Variants in LIMD1 observed in about 807,000 individuals in gnomAD.
The protein encoded by LIMD1 is LIM domain-containing protein 1.
In LIMD1, 23 loss-of-function variants were observed where a neutral mutation model predicts 58.4. The observed-to-expected ratio is 0.39, with a 90% CI of 0.28 to 0.56. The LOEUF is 0.56. Ranked by LOEUF, LIMD1 falls within the 20% of genes least tolerant of loss-of-function variation. The probability of loss-of-function intolerance (pLI) is 0.57; values close to 1 mark genes in which losing one functional copy is unlikely to be tolerated. For synonymous variants in LIMD1, 334 were observed against 345.5 expected (o/e 0.97, Z 0.37); for missense variants, 838 against 855.5 (o/e 0.98, Z 0.25).
At chr3:45,636,513 C>T (rs761610989) in intron 2 of LIMD1, among the ~76,000 whole-genome samples, 1 of 152,146 alleles carries the variant, frequency 6.6e-6, no homozygotes, top group Admixed American at 6.5e-5. Flanking sequence ...TCCCTAATCA[C>T]ATCAGGTTTG....
intron 1 of LIMD1, among the ~76,000 whole-genome samples, chr3:45,603,741 G>A (rs891276471): frequency 6.6e-6 from 1 of 151,948 alleles, no homozygotes; most frequent in South Asian, 2.1e-4. Context: ...AGCTTCAAGT[G>A]ATCTCCCACC....
Position 45,595,816 on chromosome 3 carries a change from A to T in LIMD1, c.937A>T (p.Arg313Ter). Residue 313 changes from arginine (R) to a stop codon, truncating the protein, a stop_gained, in exon 1 of 8, where the codon AGA (arginine) becomes TGA (stop). Transcript: ENST00000273317. LOFTEE classifies it high-confidence loss of function. ...CTGCCCCAGGCAAGGAGGTCTTCCA[A>T]GATCAAACTCGGGGCTGGGGGGTGA... ...LSCPRQGGLPRSNSGLGGEVS... is the reference protein window; with the variant it reads ...LSCPRQGGLP 6.2e-7 allele frequency: 1 copy of T among 1,614,154 alleles called. No individual in the cohort carries two copies. Among genetic ancestry groups the T allele is most frequent in the Non-Finnish European group, 8.5e-7 (1 of 1,180,030 alleles).
At chr3:45,658,535 C>CTTTTTTTTTTTTTTTTT (rs10572210) in intron 2 of LIMD1, among the ~76,000 whole-genome samples, 4 of 44,736 alleles carry the variant, frequency 8.9e-5, no homozygotes, top group Non-Finnish European at 1.4e-4. Context: ...CATGCAGATT[C>CTTTTTTTTTTTTTTTTT]TTTTTTTTTT....
At chr3:45,668,030 A>T (rs549713868) in intron 3 of LIMD1, among the ~76,000 whole-genome samples, 4 of 152,290 alleles carry the variant, frequency 2.6e-5, no homozygotes, top group Non-Finnish European at 5.9e-5. Flanking sequence ...CTCTATATAC[A>T]GTCCCTTACA....
chr3:45,630,586 A>G (rs894997421), intron 1 of LIMD1, among the ~76,000 whole-genome samples: 8 of 152,048 alleles, frequency 5.3e-5, no homozygotes, highest in African/African-American at 1.9e-4. Context: ...CGTGTGTGCA[A>G]GGGACAAGGT....
intron 2 of LIMD1, among the ~76,000 whole-genome samples, chr3:45,653,178 A>C (rs149161565): frequency 2.6e-5 from 4 of 152,394 alleles, no homozygotes; most frequent in African/African-American, 9.6e-5. Flanking sequence ...AAAGCCTCCC[A>C]TACCTAGCCC....
At chr3:45,662,842 G>A (rs553764938) in intron 2 of LIMD1, among the ~76,000 whole-genome samples, 4 of 152,048 alleles carry the variant, frequency 2.6e-5, no homozygotes, top group South Asian at 2.1e-4. Flanking sequence ...AAATTAGCCG[G>A]GTATGGTGGT....
intron 2 of LIMD1, among the ~76,000 whole-genome samples, chr3:45,652,663 T>G (rs756691222): frequency 6.6e-6 from 1 of 152,256 alleles, no homozygotes; most frequent in Non-Finnish European, 1.5e-5. Context: ...TTCCTCATTC[T>G]CAGGGCTGGT....
At chr3:45,603,741 G>C (rs891276471) in intron 1 of LIMD1, among the ~76,000 whole-genome samples, 4 of 151,948 alleles carry the variant, frequency 2.6e-5, no homozygotes, top group African/African-American at 9.7e-5. Flanking sequence ...AGCTTCAAGT[G>C]ATCTCCCACC....
chr3:45,662,969 G>A (rs1217622049), intron 2 of LIMD1, among the ~76,000 whole-genome samples: 1 of 151,448 alleles, frequency 6.6e-6, no homozygotes, highest in East Asian at 1.9e-4. Flanking sequence ...GGGCGACACA[G>A]CGAGACTCCG....
Position 45,594,993 on chromosome 3 carries a change from C to T in LIMD1, c.114C>T (p.Asn38=). The T allele has an allele frequency of 1.2e-6, 2 of 1,614,054 alleles. No homozygotes were observed. The highest frequency in any genetic ancestry group is 8.5e-7 in the Non-Finnish European group (1 of 1,180,044). The change falls in exon 1 of 8, where the codon AAC becomes AAT. Residue 38 remains asparagine (N), a synonymous_variant. Transcript: ENST00000273317. The part of the protein sequence containing the change: ...LFRVDKGAGN[N]PEFEETRRVF... ...GAGTGGACAAGGGTGCAGGCAACAA[C>T]CCCGAGTTTGAGGAAACTCGCAGGG...
intron 2 of LIMD1, among the ~76,000 whole-genome samples, chr3:45,649,497 T>C (rs935703305): frequency 1.3e-5 from 2 of 151,512 alleles, no homozygotes; most frequent in Admixed American, 6.6e-5. Flanking sequence ...CTGACTAACA[T>C]GGTGAAACCC....
intron 4 of LIMD1, among the ~76,000 whole-genome samples, chr3:45,668,857 G>A (rs17078175): frequency 0.11 from 16,473 of 152,014 alleles, 994 homozygotes; most frequent in African/African-American, 0.15. Context: ...TAGAGCACAC[G>A]CTATCATGTT....
chr3:45,674,481 T>C (rs939016696), intron 7 of LIMD1, 70 bp downstream of exon 7: 1 of 1,196,908 alleles, frequency 8.4e-7, no homozygotes, highest in Non-Finnish European at 1.2e-6. Flanking sequence ...CTGCGTTGAC[T>C]GGGGCAAGAG....
intron 1 of LIMD1, among the ~76,000 whole-genome samples, chr3:45,605,010 G>A (rs1360966312): frequency 2.6e-5 from 4 of 152,254 alleles, no homozygotes; most frequent in African/African-American, 7.2e-5. Flanking sequence ...ATTTGTGACT[G>A]TCACATAGGA....
intron 1 of LIMD1, among the ~76,000 whole-genome samples, chr3:45,597,540 T>G (rs1322705882): frequency 2.0e-5 from 3 of 152,272 alleles, no homozygotes; most frequent in African/African-American, 4.8e-5. Flanking sequence ...GGTAGTTGTA[T>G]CTTTCTGTTG....
At chr3:45,639,854 G>A (rs1256674167) in intron 2 of LIMD1, among the ~76,000 whole-genome samples, 1 of 152,124 alleles carries the variant, frequency 6.6e-6, no homozygotes, top group Non-Finnish European at 1.5e-5. Context: ...GTAGAGACAG[G>A]GTTTCTTCAT....
intron 4 of LIMD1, 48 bp from the exon 5 acceptor site, chr3:45,672,642 A>T: frequency 4.4e-6 from 7 of 1,605,912 alleles, no homozygotes; most frequent in Non-Finnish European, 6.0e-6. Flanking sequence ...CCCTTCCACC[A>T]TCTCATCCTT....
At chr3:45,599,265 G>T (rs1575340302) in intron 1 of LIMD1, among the ~76,000 whole-genome samples, 1 of 152,078 alleles carries the variant, frequency 6.6e-6, no homozygotes, top group African/African-American at 2.4e-5. Context: ...CCTCCGTCCA[G>T]TTCCAAAATG....
Sources: allele counts gnomAD v4.1 joint callset (sites outside exome capture counted in the v4.1 genomes callset), GRCh38; gene constraint gnomAD v4.1.1; transcripts MANE v1.5; gene names NCBI Gene and HGNC (gene_info 2026-07-23, HGNC 2026-07-21).